TECPR1: variants seen among roughly 807,000 people sequenced by gnomAD.
TECPR1 encodes the protein tectonin beta-propeller repeat containing 1, also known as tectonin beta-propeller repeat-containing protein 1.
In TECPR1, 122 loss-of-function variants were observed where a neutral mutation model predicts 162.4. That is an observed-to-expected ratio of 0.75 (90% confidence interval 0.65 to 0.87). The LOEUF (loss-of-function observed/expected upper bound fraction) is 0.87. Ranked by LOEUF, TECPR1 falls within the 40% of genes least tolerant of loss-of-function variation. TECPR1 has a pLI of 0.00. For synonymous variants in TECPR1, 642 were observed against 670.6 expected (o/e 0.96, Z 0.66); for missense variants, 1,432 against 1,618.2 (o/e 0.88, Z 1.97).
In TECPR1 at chr7:98,244,991, A is replaced by G; in HGVS notation, c.302T>C (p.Leu101Pro). The stretch of plus-strand genomic sequence containing the variant: ...CACCCTGTCCAGCGGCCGGTGCTGG[A>G]GCCCACTCACGTCACTCCACCCCCA... ...DRWGWSDVSG[L>P]QHRPLDRVAL... The change falls in exon 4 of 26, where the codon CTC (leucine) becomes CCC (proline). Residue 101 changes from leucine to proline, a missense_variant. Leu to Pro is a moderately conservative substitution (Grantham distance 98). Transcript: ENST00000447648. 1.2e-6 allele frequency: 2 copies of G among 1,611,956 alleles called. No homozygotes were observed. Among genetic ancestry groups the G allele is most frequent in the Non-Finnish European group, 1.7e-6 (2 of 1,179,506 alleles).
intron 8 of TECPR1, among the ~76,000 whole-genome samples, chr7:98,240,000 G>T (rs1303285778): frequency 1.3e-5 from 2 of 151,768 alleles, no homozygotes; most frequent in Non-Finnish European, 2.9e-5. Flanking sequence ...GCCCCGCTAC[G>T]AGGGAGGCTG....
intron 20 of TECPR1, among the ~76,000 whole-genome samples, 189 bp downstream of exon 20, chr7:98,223,473 C>T (rs561440057): frequency 2.0e-5 from 3 of 152,106 alleles, no homozygotes; most frequent in Admixed American, 6.5e-5. Flanking sequence ...CGGGAGCCTG[C>T]GGGCATTTCC....
In TECPR1 at chr7:98,225,903, G is replaced by A. The variant is rs1798270267; in HGVS notation, c.2514-801C>T. On this transcript the variant is annotated intron_variant, in intron 17 of 25. Coordinates refer to ENST00000447648, the MANE Select transcript of TECPR1 (RefSeq NM_015395.3). ...GCCTTGTAAAGCACTGGGATTACAG[G>A]CGTGAATCCCCACACGTGGCCACAT... Among the ~76,000 whole-genome samples, 3 of 152,180 alleles carry A rather than the reference G, an allele frequency of 2.0e-5. No individual in the cohort carries two copies. In the South Asian group the frequency reaches 6.2e-4, roughly 31 times the overall value.
chr7:98,224,721 C>A, intron 19 of TECPR1, 80 bp downstream of exon 19: 1 of 1,334,880 alleles, frequency 7.5e-7, no homozygotes, highest in Non-Finnish European at 1.0e-6. Flanking sequence ...CCTGGAAGAG[C>A]AGTGAGGCCA....
At chr7:98,221,867 G>T in intron 22 of TECPR1, 114 bp from the exon 23 acceptor site, 1 of 780,448 alleles carries the variant, frequency 1.3e-6, no homozygotes, top group Non-Finnish European at 2.1e-6. Context: ...GGTGTCAGCT[G>T]TGTGCCACAC....
rs779240927 is a variant in TECPR1, at chr7:98,227,994, C to T, written c.2513+20G>A. The T allele has an allele frequency of 4.6e-5, 73 of 1,600,194 alleles. No homozygotes were observed. Among genetic ancestry groups the T allele is most frequent in the Middle Eastern group, 1.7e-4 (1 of 6,042 alleles). ...GGCCTATGCCAGGCAGCATCCTGGC[C>T]GGGCACCTGTGCCACTTACCTGCTG... On this transcript the variant is annotated intron_variant, in intron 17 of 25. Transcript: ENST00000447648.
In TECPR1 at chr7:98,218,306, A is replaced by C. The variant is rs933370455; in HGVS notation, c.3158-264T>G. Among the ~76,000 whole-genome samples the C allele has an allele frequency of 3.3e-5, 5 of 152,202 alleles. No homozygotes were observed. In the East Asian group the frequency reaches 9.6e-4, roughly 29 times the overall value. On this transcript the variant is annotated intron_variant, in intron 23 of 25. Coordinates refer to ENST00000447648, the MANE Select transcript of TECPR1 (RefSeq NM_015395.3). ...TCATAATCGCCCTATTGTGCTGGGC[A>C]CGGCCGGCCTCCTGATCCTCTTTCT...
chr7:98,242,798 C>CCCAT (rs1236788372), intron 6 of TECPR1, among the ~76,000 whole-genome samples: 12 of 14,356 alleles, frequency 8.4e-4, no homozygotes, highest in Non-Finnish European at 2.5e-3. Context: ...CATCCATCCA[C>CCCAT]CCATCCATCC....
chr7:98,240,000 G>A (rs1303285778), intron 8 of TECPR1, among the ~76,000 whole-genome samples: 6 of 151,768 alleles, frequency 4.0e-5, no homozygotes, highest in African/African-American at 7.3e-5. Context: ...GCCCCGCTAC[G>A]AGGGAGGCTG....
intron 20 of TECPR1, among the ~76,000 whole-genome samples, 188 bp downstream of exon 20, chr7:98,223,474 G>A (rs1351060526): frequency 6.6e-6 from 1 of 152,046 alleles, no homozygotes; most frequent in African/African-American, 2.4e-5. Flanking sequence ...GGGAGCCTGC[G>A]GGCATTTCCT....
chr7:98,231,675 C>A, intron 13 of TECPR1, 129 bp downstream of exon 13: 1 of 1,033,302 alleles, frequency 9.7e-7, no homozygotes, highest in Non-Finnish European at 1.3e-6. Flanking sequence ...ACCCTCATTT[C>A]TGTGTCCCTC....
intron 17 of TECPR1, chr7:98,226,589 T>C (rs1562935193): frequency 1.9e-6 from 2 of 1,037,448 alleles, no homozygotes; most frequent in Non-Finnish European, 2.3e-6. Flanking sequence ...TGTCAGAGAG[T>C]TTGTTGTTTC....
chr7:98,244,437 C>G (rs1420296780), intron 5 of TECPR1, 134 bp downstream of exon 5: 5 of 1,191,102 alleles, frequency 4.2e-6, no homozygotes, highest in Admixed American at 2.7e-5. Context: ...GGACAGGAAA[C>G]AGCTCAAAGG....
intron 10 of TECPR1, among the ~76,000 whole-genome samples, chr7:98,235,827 CAAAAAAAA>C (rs765569294): frequency 5.5e-5 from 2 of 36,692 alleles, no homozygotes; most frequent in African/African-American, 1.4e-4. Context: ...GAGACTGTCT[CAAAAAAAA>C]AAAAAAAAAA....
At chr7:98,239,071 C>T (rs961961025) in intron 8 of TECPR1, among the ~76,000 whole-genome samples, 7 of 152,194 alleles carry the variant, frequency 4.6e-5, no homozygotes, top group African/African-American at 1.4e-4. Context: ...ATTTTCATGT[C>T]GACGTGTAAA....
intron 3 of TECPR1, 150 bp from the exon 4 acceptor site, chr7:98,245,217 GA>G: frequency 4.7e-6 from 4 of 846,426 alleles, no homozygotes; most frequent in Non-Finnish European, 5.4e-6. Flanking sequence ...GCCTGTGTGG[GA>G]CCCAGCAACT....
chr7:98,242,882 A>G (rs1290371946), intron 6 of TECPR1, among the ~76,000 whole-genome samples: 1 of 91,282 alleles, frequency 1.1e-5, no homozygotes, highest in African/African-American at 3.9e-5. Flanking sequence ...CTATCCATCT[A>G]CCCATACACC....
chr7:98,223,656 C>T lies in TECPR1; in HGVS notation c.2747+6G>A. 1.2e-6 allele frequency: 2 copies of T among 1,613,652 alleles called. No homozygotes were observed. The highest frequency in any genetic ancestry group is 1.7e-6 in the Non-Finnish European group (2 of 1,179,746). On this transcript the variant is annotated splice_donor_region_variant and intron_variant, in intron 20 of 25. Coordinates refer to ENST00000447648, the MANE Select transcript of TECPR1 (RefSeq NM_015395.3). ...CCGTGACAGTCACCCTGCAGCCCTG[C>T]CTCACCTGGCCCAGCACCTCCTCCT...
In TECPR1 at chr7:98,243,321, G is replaced by T. The variant is rs139467375; in HGVS notation, c.657+146C>A. On this transcript the variant is annotated intron_variant, in intron 6 of 25. Coordinates refer to ENST00000447648, the MANE Select transcript of TECPR1 (RefSeq NM_015395.3). ...GCTGGGCACTGATCAGCACGCTGGG[G>T]GCTCGGAGGAGAGAAAGGCCAGGAG... The T allele has an allele frequency of 1.7e-4, 198 of 1,139,290 alleles. 1 individual carries two copies. In the African/African-American group the frequency reaches 2.7e-3, roughly 15 times the overall value. The allele number at this position is 1,139,290 out of a possible 1,614,324, so 70.6% of individuals were successfully genotyped here.
Sources: gnomAD v4.1 joint callset for allele counts (sites outside exome capture counted in the v4.1 genomes callset) on GRCh38, gnomAD v4.1.1 for gene constraint, MANE v1.5 for transcripts, NCBI Gene and HGNC (gene_info 2026-07-23, HGNC 2026-07-21) for gene names.